Variants in SDK1 observed in about 807,000 individuals in gnomAD.
The protein encoded by SDK1 is protein sidekick-1.
In SDK1, 157 loss-of-function variants were observed where a neutral mutation model predicts 245.5. The observed-to-expected ratio is 0.64, with a 90% CI of 0.56 to 0.73. The LOEUF is 0.73. SDK1 is among the 30% of genes least tolerant of loss of function. The probability of loss-of-function intolerance (pLI) is 0.00; values close to 1 mark genes in which losing one functional copy is unlikely to be tolerated. For missense variants in SDK1, 3,583 were observed against 3,002.3 expected (o/e 1.19, Z -4.52); for synonymous variants, 1,647 against 1,278.5 (o/e 1.29, Z -6.15).
intron 44 of SDK1, among the ~76,000 whole-genome samples, chr7:4,247,092 C>T (rs975403980): frequency 6.6e-6 from 1 of 152,204 alleles, no homozygotes; most frequent in Non-Finnish European, 1.5e-5. Flanking sequence ...AATCACCAAC[C>T]ATTGGCTGTA....
intron 1 of SDK1, among the ~76,000 whole-genome samples, chr7:3,307,453 A>C (rs1779444634): frequency 6.6e-6 from 1 of 152,150 alleles, no homozygotes; most frequent in Admixed American, 6.6e-5. Flanking sequence ...TGTTCTGGAG[A>C]GGTTACTACT....
intron 5 of SDK1, among the ~76,000 whole-genome samples, chr7:3,946,477 C>CTAATTT (rs1004051946): frequency 6.6e-6 from 1 of 151,290 alleles, no homozygotes; most frequent in African/African-American, 2.5e-5. Context: ...ACCACACCTG[C>CTAATTT]TAATTTTTTT....
Position 3,607,567 on chromosome 7 carries a change from TAATC to T in SDK1, c.299-11510_299-11507del, listed in dbSNP as rs1476847089. 3.3e-5 allele frequency among the ~76,000 whole-genome samples: 5 copies of T among 152,338 alleles called. No homozygotes were observed. The East Asian group carries it at 5.8e-4, about 18-fold the overall frequency. Reference sequence around the variant, plus strand: ...AATATTTGTTGAATGACAGAGCAAATAATCAAACCAATATCTAGACTTCTCTAGA... The same window carrying T: ...AATATTTGTTGAATGACAGAGCAAATAAACCAATATCTAGACTTCTCTAGA... On this transcript the variant is annotated intron_variant, in intron 1 of 44. Transcript: ENST00000404826.
chr7:4,070,348 C>G (rs1430969577), intron 20 of SDK1, among the ~76,000 whole-genome samples: 3 of 152,196 alleles, frequency 2.0e-5, no homozygotes, highest in African/African-American at 7.2e-5. Context: ...CCACCAAAAA[C>G]TCTGCTTTGC....
intron 1 of SDK1, among the ~76,000 whole-genome samples, chr7:3,362,398 G>C (rs1353230831): frequency 6.6e-6 from 1 of 152,076 alleles, no homozygotes; most frequent in Non-Finnish European, 1.5e-5. Context: ...GATCTTATTT[G>C]AGTAGTATTT....
intron 29 of SDK1, among the ~76,000 whole-genome samples, chr7:4,146,590 C>G (rs558477250): frequency 6.6e-6 from 1 of 152,356 alleles, no homozygotes; most frequent in South Asian, 2.1e-4. Flanking sequence ...AGGCTGAGTA[C>G]CTGGGGCAAG....
At chr7:3,625,942 CTTTT>C (rs3086084) in intron 2 of SDK1, among the ~76,000 whole-genome samples, 4 of 129,790 alleles carry the variant, frequency 3.1e-5, no homozygotes, top group Non-Finnish European at 4.8e-5. Context: ...TCTTTTCTTT[CTTTT>C]TTTTTTTTTT....
rs560552779 is a variant in SDK1, at chr7:4,208,501, T to C, written c.5401+216T>C. Among the ~76,000 whole-genome samples the C allele has an allele frequency of 4.6e-5, 7 of 152,310 alleles. No homozygotes were observed. The South Asian group carries it at 1.0e-3, about 23-fold the overall frequency. On this transcript the variant is annotated intron_variant, in intron 37 of 44. Coordinates refer to ENST00000404826, the MANE Select transcript of SDK1 (RefSeq NM_152744.4). ...CTGGTACACAGTGGCGCTAAATAAA[T>C]GTTAGGTGGGTTGGAGCAATGCATG...
intron 25 of SDK1, among the ~76,000 whole-genome samples, chr7:4,122,105 G>C (rs2128194629): frequency 6.6e-6 from 1 of 152,194 alleles, no homozygotes; most frequent in Middle Eastern, 3.4e-3. Flanking sequence ...GGGAATCTCA[G>C]GGGCCCAGAT....
At chr7:3,743,165 A>G (rs1423605826) in intron 4 of SDK1, among the ~76,000 whole-genome samples, 2 of 152,182 alleles carry the variant, frequency 1.3e-5, no homozygotes, top group South Asian at 2.1e-4. Flanking sequence ...ACTGATGGGA[A>G]AAGTCTCAAT....
chr7:4,065,229 C>G (rs191602086), intron 19 of SDK1, among the ~76,000 whole-genome samples: 2 of 152,304 alleles, frequency 1.3e-5, no homozygotes, highest in Admixed American at 1.3e-4. Context: ...AAGCTTCAGA[C>G]TCTCGGGTGC....
chr7:4,122,878 T>A (rs907358172), intron 25 of SDK1, among the ~76,000 whole-genome samples: 2 of 152,236 alleles, frequency 1.3e-5, no homozygotes, highest in African/African-American at 4.8e-5. Context: ...TGCAACTCCA[T>A]GGCAGATCTT....
At chr7:4,124,231 A>G (rs560822709) in intron 25 of SDK1, among the ~76,000 whole-genome samples, 19 of 152,230 alleles carry the variant, frequency 1.2e-4, no homozygotes, top group Non-Finnish European at 2.8e-4. Context: ...TCATAGCAGA[A>G]TGCCCCAAAC....
chr7:3,447,918 G>C (rs182677075), intron 1 of SDK1, among the ~76,000 whole-genome samples: 27 of 151,708 alleles, frequency 1.8e-4, no homozygotes, highest in African/African-American at 6.3e-4. Flanking sequence ...TAGTCAGGCT[G>C]GTCTCGAATT....
intron 5 of SDK1, among the ~76,000 whole-genome samples, chr7:3,922,551 T>C (rs1779629904): frequency 6.6e-6 from 1 of 152,236 alleles, no homozygotes; most frequent in Non-Finnish European, 1.5e-5. Flanking sequence ...TCTGAAACAA[T>C]GTAATCTCAT....
intron 22 of SDK1, among the ~76,000 whole-genome samples, chr7:4,109,958 A>G (rs972741273): frequency 1.3e-5 from 2 of 152,164 alleles, no homozygotes; most frequent in Non-Finnish European, 2.9e-5. Context: ...CGGGAGAGGA[A>G]GAAGCTGGGG....
At chr7:3,775,975 A>G (rs115019624) in intron 4 of SDK1, among the ~76,000 whole-genome samples, 2 of 152,246 alleles carry the variant, frequency 1.3e-5, no homozygotes, top group African/African-American at 4.8e-5. Flanking sequence ...AAACGAGTGA[A>G]TCTTCCACCA....
chr7:3,377,613 C>A (rs1381511888), intron 1 of SDK1, among the ~76,000 whole-genome samples: 1 of 152,062 alleles, frequency 6.6e-6, no homozygotes, highest in East Asian at 1.9e-4. Context: ...GTTCTGAGTT[C>A]CCTTTGTTCT....
intron 13 of SDK1, among the ~76,000 whole-genome samples, chr7:3,986,615 C>CT (rs1201219496): frequency 6.6e-6 from 1 of 152,112 alleles, no homozygotes. Context: ...AATCCCAGCA[C>CT]TTTGGGAGGC....
Sources: allele counts gnomAD v4.1 joint callset (sites outside exome capture counted in the v4.1 genomes callset), GRCh38; gene constraint gnomAD v4.1.1; transcripts MANE v1.5; gene names NCBI Gene and HGNC (gene_info 2026-07-23, HGNC 2026-07-21).